Variants in NHEJ1 observed in about 807,000 individuals in gnomAD.
The protein encoded by NHEJ1 is non-homologous end-joining factor 1.
A neutral mutation model predicts 39.4 loss-of-function variants in NHEJ1; 22 were observed. The observed-to-expected ratio is 0.56, with a 90% CI of 0.40 to 0.80. The LOEUF (loss-of-function observed/expected upper bound fraction) is 0.80. Ranked by LOEUF, NHEJ1 falls within the 30% of genes least tolerant of loss-of-function variation. The pLI, the probability that NHEJ1 is intolerant of heterozygous loss-of-function variation, is 0.00. For missense variants in NHEJ1, 329 were observed against 357.1 expected, an observed-to-expected ratio of 0.92 and a Z score of 0.63; for synonymous variants, 154 against 135.6, an observed-to-expected ratio of 1.14 and a Z score of -0.94.
chr2:219,091,317 G>A (rs546176537), intron 5 of NHEJ1, among the ~76,000 whole-genome samples: 7 of 152,098 alleles, frequency 4.6e-5, no homozygotes, highest in Non-Finnish European at 1.0e-4. Context: ...TGGAGTTTAA[G>A]CTAGGGTAAA....
intron 5 of NHEJ1, among the ~76,000 whole-genome samples, chr2:219,144,793 C>A (rs146427866): frequency 2.0e-5 from 3 of 152,160 alleles, no homozygotes; most frequent in Non-Finnish European, 4.4e-5. Context: ...AGGGAACCAG[C>A]ATGTTATCCC....
intron 5 of NHEJ1, among the ~76,000 whole-genome samples, chr2:219,127,044 G>A (rs1386077845): frequency 6.6e-6 from 1 of 152,106 alleles, no homozygotes. Context: ...TGTAAGTAGT[G>A]GCCAGATCAT....
intron 5 of NHEJ1, among the ~76,000 whole-genome samples, chr2:219,079,693 A>G (rs556966655): frequency 2.6e-5 from 4 of 152,314 alleles, no homozygotes; most frequent in Non-Finnish European, 4.4e-5. Flanking sequence ...GAAACAGGGA[A>G]GGTAAACTAT....
chr2:219,109,574 G>A (rs936993717), intron 5 of NHEJ1, among the ~76,000 whole-genome samples: 6 of 152,138 alleles, frequency 3.9e-5, no homozygotes, highest in Admixed American at 3.9e-4. Context: ...CTGCATCAAG[G>A]GCTCTCTGTG....
In NHEJ1 at chr2:219,077,421, G is replaced by C. The variant is rs867900786; in HGVS notation, c.707-57C>G. 147 of 1,302,390 alleles carry C rather than the reference G, an allele frequency of 1.1e-4. 1 individual carries two copies. Among genetic ancestry groups the C allele is most frequent in the Middle Eastern group, 6.3e-4 (3 of 4,736 alleles). 80.7% of individuals were successfully genotyped at this position (1,302,390 alleles called of 1,614,324 possible). ...ATAAATGCCTTCTTCTTACCAGGAA[G>C]ATATTAGCATTCACCAAGCATTCTG... is the stretch of plus-strand genomic sequence containing the variant. On this transcript the variant is annotated intron_variant, in intron 6 of 7. Coordinates refer to ENST00000356853, the MANE Select transcript of NHEJ1 (RefSeq NM_024782.3).
intron 5 of NHEJ1, among the ~76,000 whole-genome samples, chr2:219,143,013 C>T (rs1949706056): frequency 1.3e-5 from 2 of 152,200 alleles, no homozygotes; most frequent in Admixed American, 1.3e-4. Flanking sequence ...GTATCCTAGC[C>T]ACCTGCCTGG....
At chr2:219,088,393 C>T (rs567217308) in intron 5 of NHEJ1, among the ~76,000 whole-genome samples, 18 of 151,766 alleles carry the variant, frequency 1.2e-4, no homozygotes, top group Non-Finnish European at 2.2e-4. Flanking sequence ...TTTGGGAGGC[C>T]GAGGCAGGAG....
intron 5 of NHEJ1, among the ~76,000 whole-genome samples, chr2:219,136,315 G>T (rs1949627750): frequency 7.2e-6 from 1 of 138,558 alleles, no homozygotes; most frequent in African/African-American, 2.7e-5. Context: ...TAGAGACAAG[G>T]TCTCGCTTTG....
At chr2:219,134,810 T>C (rs1050138374) in intron 5 of NHEJ1, among the ~76,000 whole-genome samples, 23 of 151,820 alleles carry the variant, frequency 1.5e-4, no homozygotes, top group African/African-American at 5.3e-4. Flanking sequence ...GAGGCTGAGG[T>C]AGGTGGATCA....
At chr2:219,132,995 A>C (rs1355318808) in intron 5 of NHEJ1, among the ~76,000 whole-genome samples, 1 of 152,218 alleles carries the variant, frequency 6.6e-6, no homozygotes, top group Non-Finnish European at 1.5e-5. Flanking sequence ...TACTGTCCAT[A>C]AACAGTTTAA....
chr2:219,140,543 T>C (rs764335148), intron 5 of NHEJ1, among the ~76,000 whole-genome samples: 6 of 152,204 alleles, frequency 3.9e-5, no homozygotes, highest in Non-Finnish European at 7.3e-5. Flanking sequence ...CAGGATTTCC[T>C]GATGGACTTT....
Position 219,149,509 on chromosome 2 carries a change from G to A in NHEJ1, c.391-1714C>T, listed in dbSNP as rs904763923. ...CACATGCCTGTAATCCCAGCTACTC[G>A]GGAGACTGAGGCACAAGAATCGCTT... On this transcript the variant is annotated intron_variant, in intron 3 of 7. Transcript: ENST00000356853. Among the ~76,000 whole-genome samples the A allele has an allele frequency of 5.3e-5, 8 of 152,212 alleles. No individual in the cohort carries two copies. The South Asian group carries it at 1.0e-3, about 20-fold the overall frequency.
chr2:219,118,496 G>A (rs1949436875), intron 5 of NHEJ1, among the ~76,000 whole-genome samples: 1 of 152,118 alleles, frequency 6.6e-6, no homozygotes. Context: ...GGGACAGGGA[G>A]GGCAGGAAGA....
At chr2:219,155,420 TTTTA>T (rs1213419519) in intron 3 of NHEJ1, among the ~76,000 whole-genome samples, 4 of 151,758 alleles carry the variant, frequency 2.6e-5, no homozygotes, top group South Asian at 4.1e-4. Context: ...TTTTTTTTAA[TTTTA>T]TTTATTTTTT....
chr2:219,089,254 G>A (rs1056327828), intron 5 of NHEJ1, among the ~76,000 whole-genome samples: 1 of 152,044 alleles, frequency 6.6e-6, no homozygotes, highest in Middle Eastern at 3.2e-3. Context: ...CCAAGAGAAC[G>A]GAAAACATAG....
rs2106320062 is a variant in NHEJ1 at position 219,078,096 on chromosome 2, T to C, written c.699A>G (p.Gln233=). The change falls in exon 6 of 8, where the codon CAA becomes CAG. Residue 233 remains glutamine (Q), a synonymous_variant. Transcript: ENST00000356853. ...TQEVQVGQKH[Q]GAGDPHTSNS... ...TACCTCTGGAGGGCTCACCAGCGCC[T>C]TGATGCTTCTGTCCCACTTGGACCT... 1 of 1,613,710 alleles carries C rather than the reference T, an allele frequency of 6.2e-7. No individual in the cohort carries two copies. The highest frequency in any genetic ancestry group is 1.1e-5 in the South Asian group (1 of 91,064).
chr2:219,102,584 GACCACCAGATTGCCTAAGGAAGGGTGA>G (rs1275413885), intron 5 of NHEJ1: 5 of 151,984 alleles, frequency 3.3e-5, no homozygotes, highest in African/African-American at 1.2e-4. Context: ...GGGAACGGGC[GACCACCAGATTGCCTAAGGAAGGGTGA>G]ACCAACACAG....
At chr2:219,117,096 G>A (rs1470345405) in intron 5 of NHEJ1, among the ~76,000 whole-genome samples, 5 of 152,028 alleles carry the variant, frequency 3.3e-5, no homozygotes, top group Non-Finnish European at 7.4e-5. Flanking sequence ...CCCACTGCTT[G>A]CATGATTTAT....
intron 5 of NHEJ1, among the ~76,000 whole-genome samples, chr2:219,138,760 T>C (rs1362606572): frequency 6.6e-6 from 1 of 152,170 alleles, no homozygotes; most frequent in Non-Finnish European, 1.5e-5. Context: ...ATGGGAGTGC[T>C]AAGGTGCAGG....
Sources: gnomAD v4.1 joint callset for allele counts (sites outside exome capture counted in the v4.1 genomes callset) on GRCh38, gnomAD v4.1.1 for gene constraint, MANE v1.5 for transcripts, NCBI Gene and HGNC (gene_info 2026-07-23, HGNC 2026-07-21) for gene names.